Variants in MARCHF1 observed in about 807,000 individuals in gnomAD.
The protein encoded by MARCHF1 is membrane associated ring-CH-type finger 1.
A neutral mutation model predicts 54.2 loss-of-function variants in MARCHF1; 40 were observed. The ratio of observed to expected loss-of-function variants is 0.74; its 90% confidence interval spans 0.57 to 0.96. The LOEUF (loss-of-function observed/expected upper bound fraction) is 0.96. Ranked by LOEUF, MARCHF1 falls within the 40% of genes least tolerant of loss-of-function variation. The probability of loss-of-function intolerance (pLI) is 0.00; values close to 1 mark genes in which losing one functional copy is unlikely to be tolerated. For synonymous variants in MARCHF1, 236 were observed against 236.3 expected, an observed-to-expected ratio of 1.00 and a Z score of 0.01; for missense variants, 586 against 656.5, an observed-to-expected ratio of 0.89 and a Z score of 1.17.
intron 8 of MARCHF1, among the ~76,000 whole-genome samples, chr4:163,548,157 T>C (rs1186476427): frequency 6.6e-6 from 1 of 152,216 alleles, no homozygotes; most frequent in African/African-American, 2.4e-5. Context: ...ACACATATAA[T>C]CATAGAATAT....
intron 1 of MARCHF1, among the ~76,000 whole-genome samples, chr4:164,148,370 T>C (rs184058851): frequency 6.6e-6 from 1 of 152,146 alleles, no homozygotes; most frequent in Non-Finnish European, 1.5e-5. Context: ...TCATACCCCA[T>C]AGATCTTGGT....
At chr4:164,281,768 T>A (rs1734032340) in intron 1 of MARCHF1, among the ~76,000 whole-genome samples, 1 of 152,144 alleles carries the variant, frequency 6.6e-6, no homozygotes, top group Non-Finnish European at 1.5e-5. Flanking sequence ...TGTGGAGCCA[T>A]CACCTATAAA....
intron 2 of MARCHF1, among the ~76,000 whole-genome samples, chr4:164,019,162 TTC>T (rs748098941): frequency 2.0e-5 from 3 of 152,134 alleles, no homozygotes; most frequent in Non-Finnish European, 4.4e-5. Context: ...TGTCTTCCAA[TTC>T]TCTCTGTTTC....
chr4:163,613,462 T>TC, intron 5 of MARCHF1, 69 bp from the exon 6 acceptor site: 2 of 1,612,694 alleles, frequency 1.2e-6, no homozygotes, highest in Non-Finnish European at 1.7e-6. Context: ...TTGCTTTTTT[T>TC]CCACATATTT....
At chr4:164,157,350 G>A (rs921082763) in intron 1 of MARCHF1, among the ~76,000 whole-genome samples, 2 of 151,936 alleles carry the variant, frequency 1.3e-5, no homozygotes, top group Admixed American at 6.6e-5. Flanking sequence ...CATTATTCAC[G>A]ATTAAACAAA....
chr4:164,171,504 G>C (rs1730524447), intron 1 of MARCHF1, among the ~76,000 whole-genome samples: 1 of 152,074 alleles, frequency 6.6e-6, no homozygotes, highest in Non-Finnish European at 1.5e-5. Context: ...TAAGTGATTA[G>C]AAGATTATAG....
At chr4:163,803,145 T>C (rs1748128202) in intron 4 of MARCHF1, among the ~76,000 whole-genome samples, 1 of 152,176 alleles carries the variant, frequency 6.6e-6, no homozygotes, top group African/African-American at 2.4e-5. Context: ...TAAAATAATA[T>C]TGTCTCAATG....
At chr4:163,896,263 A>G (rs1477822369) in intron 3 of MARCHF1, among the ~76,000 whole-genome samples, 3 of 152,220 alleles carry the variant, frequency 2.0e-5, no homozygotes, top group African/African-American at 7.2e-5. Flanking sequence ...AACAGAATCT[A>G]CAGGATTCAG....
At chr4:163,571,270 T>C (rs903040468) in intron 8 of MARCHF1, among the ~76,000 whole-genome samples, 17 of 152,146 alleles carry the variant, frequency 1.1e-4, no homozygotes, top group African/African-American at 4.1e-4. Flanking sequence ...TTATTTTGAC[T>C]AACTCATTTT....
At chr4:164,150,692 T>C (rs1729910451) in intron 1 of MARCHF1, among the ~76,000 whole-genome samples, 2 of 152,130 alleles carry the variant, frequency 1.3e-5, no homozygotes, top group Admixed American at 6.5e-5. Context: ...CAACAAGACA[T>C]GAAAATAGAA....
chr4:163,658,863 T>C (rs1743246399), intron 5 of MARCHF1, among the ~76,000 whole-genome samples: 1 of 151,818 alleles, frequency 6.6e-6, no homozygotes, highest in African/African-American at 2.4e-5. Context: ...ACCTAGGTGA[T>C]GGGTTGATAG....
At chr4:164,196,882 G>A in intron 1 of MARCHF1, 3 of 1,197,154 alleles carry the variant, frequency 2.5e-6, no homozygotes, top group Non-Finnish European at 3.6e-6. Flanking sequence ...TCAGAAAAAA[G>A]TAAGTTTCAG....
In MARCHF1 at chr4:164,085,784, G is replaced by A. The variant is rs4691109; in HGVS notation, c.-248+25804C>T. 4.5e-3 allele frequency among the ~76,000 whole-genome samples: 690 copies of A among 151,822 alleles called. 3 individuals carry two copies. Among genetic ancestry groups the A allele is most frequent in the Non-Finnish European group, 7.2e-3 (490 of 67,702 alleles). On this transcript the variant is annotated intron_variant, in intron 2 of 9. Transcript: ENST00000514618. ...AATATGTGTGCAACAATTGTGTAGC[G>A]GAATTTTACTATCTTGGTGCATAAA... is the stretch of plus-strand genomic sequence containing the variant.
intron 5 of MARCHF1, among the ~76,000 whole-genome samples, chr4:163,699,300 T>G (rs1472530455): frequency 1.3e-5 from 2 of 151,960 alleles, no homozygotes; most frequent in African/African-American, 4.8e-5. Flanking sequence ...TAGTGGATGG[T>G]GTTGCAAGAC....
intron 2 of MARCHF1, among the ~76,000 whole-genome samples, chr4:164,030,526 A>T (rs1367954201): frequency 1.3e-5 from 2 of 152,200 alleles, no homozygotes; most frequent in African/African-American, 4.8e-5. Context: ...GATTTACTTT[A>T]ACACAAAAGA....
chr4:163,893,288 G>GCCACCACA (rs1750704176), intron 3 of MARCHF1, among the ~76,000 whole-genome samples: 1 of 151,978 alleles, frequency 6.6e-6, no homozygotes, highest in South Asian at 2.1e-4. Flanking sequence ...ACAGGCACCT[G>GCCACCACA]CCACCACACC....
rs62348091 is a variant in MARCHF1 at position 163,974,994 on chromosome 4, A to T, written c.-39+13507T>A. Among the ~76,000 whole-genome samples the T allele has an allele frequency of 3.7e-3, 562 of 152,246 alleles. 2 individuals are homozygous for T. Among genetic ancestry groups the T allele is most frequent in the South Asian group, 6.4e-3 (31 of 4,826 alleles). On this transcript the variant is annotated intron_variant, in intron 3 of 9. Transcript: ENST00000514618. ...CCTGCCTGACTACTTAATCTGGGAC[A>T]TAGGATTTTTTATGCCTTTAGATTA...
intron 2 of MARCHF1, among the ~76,000 whole-genome samples, chr4:164,050,665 C>G (rs956518839): frequency 6.6e-6 from 1 of 150,794 alleles, no homozygotes; most frequent in African/African-American, 2.4e-5. Flanking sequence ...GAATTAAAAT[C>G]TGCATTTTAA....
intron 5 of MARCHF1, among the ~76,000 whole-genome samples, chr4:163,679,186 T>C (rs1480714852): frequency 1.3e-5 from 2 of 152,188 alleles, no homozygotes; most frequent in Non-Finnish European, 2.9e-5. Context: ...GAATCTGAAA[T>C]GGGAATTTCT....
Sources: allele counts gnomAD v4.1 joint callset (sites outside exome capture counted in the v4.1 genomes callset), GRCh38; gene constraint gnomAD v4.1.1; transcripts MANE v1.5; gene names NCBI Gene and HGNC (gene_info 2026-07-23, HGNC 2026-07-21).